The following FIG4 variants were observed in gnomAD, a reference collection of about 807,000 sequenced individuals.
The protein encoded by FIG4 is polyphosphoinositide phosphatase.
In FIG4, 112 loss-of-function variants were observed where a neutral mutation model predicts 118.6. The observed-to-expected ratio is 0.94, with a 90% CI of 0.81 to 1.11. FIG4 has a LOEUF of 1.11. Among genes scored for constraint, FIG4 ranks in the 50% least tolerant of loss-of-function variants. The pLI is 0.00. For missense variants in FIG4, 969 were observed against 1,111.7 expected (o/e 0.87, Z 1.83); for synonymous variants, 369 against 381.2 (o/e 0.97, Z 0.37).
intron 11 of FIG4, among the ~76,000 whole-genome samples, chr6:109,761,634 G>T (rs936155201): frequency 2.6e-5 from 4 of 152,158 alleles, no homozygotes; most frequent in African/African-American, 4.8e-5. Context: ...TGATCCGCCC[G>T]CATTGGCCTC....
chr6:109,804,290 A>G (rs1301081093), intron 22 of FIG4, among the ~76,000 whole-genome samples: 3 of 152,114 alleles, frequency 2.0e-5, no homozygotes, highest in African/African-American at 7.2e-5. Context: ...AGTTTTGTGT[A>G]TGGAAGGTGA....
Position 109,786,387 on chromosome 6 carries a change from T to C in FIG4, c.2034T>C (p.Phe678=), listed in dbSNP as rs1406803874. Residue 678 remains phenylalanine (F), a synonymous_variant, in exon 18 of 23, where the codon TTT becomes TTC. Coordinates refer to ENST00000230124, the MANE Select transcript of FIG4 (RefSeq NM_014845.6). ...AGATTGATATCCACAATGAGTTCTT[T>C]CGGCCATATGAGTTGAGCAGCTTTG... ...EEEIDIHNEF[F]RPYELSSFDD... is the part of the protein sequence containing the mutation. 1 of 1,613,906 alleles carries C rather than the reference T, an allele frequency of 6.2e-7. No individual in the cohort carries two copies. Among genetic ancestry groups the C allele is most frequent in the Admixed American group, 1.7e-5 (1 of 60,004 alleles).
At chr6:109,747,244 A>G (rs1378054300) in intron 10 of FIG4, among the ~76,000 whole-genome samples, 10 of 152,092 alleles carry the variant, frequency 6.6e-5, no homozygotes, top group African/African-American at 2.4e-4. Flanking sequence ...ATTTGAAGGC[A>G]TGGGCATGGA....
At chr6:109,776,585 A>T (rs115765444) in intron 15 of FIG4, among the ~76,000 whole-genome samples, 2,174 of 152,248 alleles carry the variant, frequency 0.014, 54 homozygotes, top group African/African-American at 0.05. Context: ...AATGGTGAGG[A>T]TATATTTTCA....
chr6:109,814,601 CTATGAGA>C (rs1778809361), intron 22 of FIG4, among the ~76,000 whole-genome samples: 2 of 151,982 alleles, frequency 1.3e-5, no homozygotes, highest in Admixed American at 6.6e-5. Flanking sequence ...GTTTTTCTTA[CTATGAGA>C]TCCTAACGTC....
intron 10 of FIG4, among the ~76,000 whole-genome samples, chr6:109,752,764 G>A (rs149653271): frequency 3.8e-4 from 58 of 152,224 alleles, no homozygotes; most frequent in African/African-American, 1.2e-3. Context: ...AGTAGGTTGC[G>A]GAGAATTTCT....
intron 22 of FIG4, among the ~76,000 whole-genome samples, chr6:109,818,556 G>T (rs1399704501): frequency 6.6e-6 from 1 of 152,084 alleles, no homozygotes; most frequent in African/African-American, 2.4e-5. Flanking sequence ...TTATTAGGTA[G>T]GCTGTTAATC....
At chr6:109,787,858 G>T (rs1206181344) in intron 18 of FIG4, among the ~76,000 whole-genome samples, 1 of 152,100 alleles carries the variant, frequency 6.6e-6, no homozygotes, top group Non-Finnish European at 1.5e-5. Flanking sequence ...ACATAACCTA[G>T]TTTTGTGTAT....
intron 22 of FIG4, among the ~76,000 whole-genome samples, chr6:109,811,406 G>A (rs1046341051): frequency 6.6e-6 from 1 of 152,106 alleles, no homozygotes; most frequent in African/African-American, 2.4e-5. Context: ...ATCTTCATTT[G>A]GTTTGAGGTT....
chr6:109,804,527 G>T (rs571328253), intron 22 of FIG4, among the ~76,000 whole-genome samples: 46 of 152,244 alleles, frequency 3.0e-4, no homozygotes, highest in African/African-American at 1.0e-3. Flanking sequence ...TAGTCACACT[G>T]CCCTTTGCAT....
chr6:109,749,618 A>AAATAAAATAAAATAAAATAAAAT (rs376782559), intron 10 of FIG4, among the ~76,000 whole-genome samples: 1 of 151,910 alleles, frequency 6.6e-6, no homozygotes, highest in Admixed American at 6.6e-5. Flanking sequence ...AAATAAAATA[A>AAATAAAATAAAATAAAATAAAAT]AAAGTAAGTT....
chr6:109,757,277 T>C (rs1420604504), intron 10 of FIG4, among the ~76,000 whole-genome samples: 1 of 152,240 alleles, frequency 6.6e-6, no homozygotes, highest in African/African-American at 2.4e-5. Flanking sequence ...TATGATCAAG[T>C]CAGCTTCATC....
chr6:109,698,811 C>T (rs1423562600), intron 1 of FIG4, among the ~76,000 whole-genome samples: 2 of 151,938 alleles, frequency 1.3e-5, no homozygotes, highest in African/African-American at 4.8e-5. Flanking sequence ...AAATGTTAAA[C>T]CTTGGATTTT....
chr6:109,776,144 A>T (rs988604930), intron 15 of FIG4, among the ~76,000 whole-genome samples: 1 of 152,214 alleles, frequency 6.6e-6, no homozygotes, highest in Non-Finnish European at 1.5e-5. Flanking sequence ...GTAGAATGGG[A>T]TGGGTGGTTC....
chr6:109,691,508 A>AC lies in FIG4; in HGVS notation c.66+12dup, dbSNP rs750085102. Reference sequence around the variant, plus strand: ...TCTGTATGAGACTAGAGCTGTGAGTACCCCCTCGCGGCGGGGCGCAGGCGG... The same window carrying AC: ...TCTGTATGAGACTAGAGCTGTGAGTACCCCCCTCGCGGCGGGGCGCAGGCGG... On this transcript the variant is annotated splice_region_variant and intron_variant, in intron 1 of 22. Coordinates refer to ENST00000230124, the MANE Select transcript of FIG4 (RefSeq NM_014845.6). 6.4e-7 allele frequency: 1 copy of AC among 1,569,540 alleles called. No homozygotes were observed. The highest frequency in any genetic ancestry group is 1.4e-5 in the African/African-American group (1 of 73,214).
chr6:109,706,117 A>G (rs1775059704), intron 1 of FIG4, among the ~76,000 whole-genome samples: 1 of 152,248 alleles, frequency 6.6e-6, no homozygotes, highest in South Asian at 2.1e-4. Flanking sequence ...CACAGAGGTT[A>G]AGGAGTTAGC....
intron 3 of FIG4, among the ~76,000 whole-genome samples, chr6:109,722,478 C>T (rs1298271106): frequency 2.6e-5 from 4 of 151,836 alleles, no homozygotes; most frequent in African/African-American, 9.7e-5. Flanking sequence ...AGACAGAGCA[C>T]CAGGATCCTA....
intron 15 of FIG4, among the ~76,000 whole-genome samples, chr6:109,768,189 G>C (rs1339425476): frequency 3.3e-5 from 5 of 152,126 alleles, no homozygotes; most frequent in Admixed American, 3.3e-4. Context: ...CTGGGTCCTG[G>C]CCAGTAAGGC....
chr6:109,761,606 C>G (rs1242380780), intron 11 of FIG4, among the ~76,000 whole-genome samples: 13 of 152,162 alleles, frequency 8.5e-5, no homozygotes, highest in Admixed American at 6.5e-4. Flanking sequence ...AGTCTGGTCT[C>G]GAACTCCTGA....
Sources: allele counts gnomAD v4.1 joint callset (sites outside exome capture counted in the v4.1 genomes callset), GRCh38; gene constraint gnomAD v4.1.1; transcripts MANE v1.5; gene names NCBI Gene and HGNC (gene_info 2026-07-23, HGNC 2026-07-21).